COL4A2: variants seen among roughly 807,000 people sequenced by gnomAD.
COL4A2 encodes collagen alpha-2(IV) chain.
A neutral mutation model predicts 200.2 loss-of-function variants in COL4A2; 99 were observed. That is an observed-to-expected ratio of 0.49 (90% CI 0.42 to 0.58). The LOEUF (loss-of-function observed/expected upper bound fraction) is 0.58. COL4A2 is among the 20% of genes least tolerant of loss of function. The probability of loss-of-function intolerance (pLI) is 0.00; values close to 1 mark genes in which losing one functional copy is unlikely to be tolerated. For synonymous variants in COL4A2, 897 were observed against 900.6 expected, an observed-to-expected ratio of 1.00 and a Z score of 0.07; for missense variants, 1,950 against 2,314.1, an observed-to-expected ratio of 0.84 and a Z score of 3.23.
intron 3 of COL4A2, among the ~76,000 whole-genome samples, chr13:110,313,170 G>C (rs2139341788): frequency 6.6e-6 from 1 of 152,262 alleles, no homozygotes; most frequent in African/African-American, 2.4e-5. Flanking sequence ...TCTCAGTTGA[G>C]ATGAGGAAAA....
chr13:110,312,381 G>A (rs1159153976), intron 3 of COL4A2, among the ~76,000 whole-genome samples: 2 of 152,144 alleles, frequency 1.3e-5, no homozygotes, highest in Non-Finnish European at 2.9e-5. Flanking sequence ...AGAGGAAAAG[G>A]TTCTAGAATA....
intron 15 of COL4A2, 143 bp from the exon 16 acceptor site, chr13:110,439,646 A>G: frequency 4.4e-6 from 6 of 1,351,110 alleles, no homozygotes; most frequent in Non-Finnish European, 4.1e-6. Context: ...ATTTGTTGCT[A>G]TTCTTCAAAA....
At chr13:110,326,111 T>C (rs1311982563) in intron 3 of COL4A2, among the ~76,000 whole-genome samples, 1 of 152,112 alleles carries the variant, frequency 6.6e-6, no homozygotes, top group African/African-American at 2.4e-5. Flanking sequence ...AGTCATTTGC[T>C]CAGAACCCAG....
chr13:110,357,284 A>T (rs1457587759), intron 3 of COL4A2, among the ~76,000 whole-genome samples, 188 bp from the exon 4 acceptor site: 1 of 152,140 alleles, frequency 6.6e-6, no homozygotes, highest in Admixed American at 6.5e-5. Flanking sequence ...TCTGGACCTT[A>T]CACTCGATTT....
In COL4A2 at chr13:110,428,489, C is replaced by G. The variant is rs372136410; in HGVS notation, c.383C>G (p.Pro128Arg). ...CAGGGACACCCGGGGCAAGGTGGGC[C>G]CAGGGGAAGGCCGGGCTACGATGGC... ...GIPGHPGQGG[P>R]RGRPGYDGCN... Residue 128 changes from proline to arginine, a missense_variant, in exon 7 of 48, where the codon CCC (proline) becomes CGC (arginine). This residue lies in a region of COL4A2 where 565 missense variants were observed against 593.5 expected (regional missense o/e 0.95). Transcript: ENST00000360467. 1 of 1,579,798 alleles carries G rather than the reference C, an allele frequency of 6.3e-7. No individual in the cohort carries two copies. Among genetic ancestry groups the G allele is most frequent in the African/African-American group, 1.4e-5 (1 of 72,132 alleles).
At chr13:110,457,858 C>T in intron 21 of COL4A2, 1 of 446,866 alleles carries the variant, frequency 2.2e-6, no homozygotes, top group South Asian at 1.6e-5. Context: ...CATCCCTGGT[C>T]CTACTGAGAC....
At chr13:110,308,897 C>G (rs1884892537) in intron 3 of COL4A2, among the ~76,000 whole-genome samples, 1 of 152,156 alleles carries the variant, frequency 6.6e-6, no homozygotes, top group East Asian at 1.9e-4. Context: ...TAGGTGAATT[C>G]GGTGCAGGAC....
intron 24 of COL4A2, among the ~76,000 whole-genome samples, chr13:110,463,889 C>G (rs1457554539): frequency 1.3e-5 from 2 of 152,114 alleles, no homozygotes; most frequent in Non-Finnish European, 2.9e-5. Flanking sequence ...ACAGATAATT[C>G]TATGATTGGG....
intron 3 of COL4A2, among the ~76,000 whole-genome samples, chr13:110,311,953 C>T (rs1001213169): frequency 1.3e-5 from 2 of 152,222 alleles, no homozygotes; most frequent in Non-Finnish European, 2.9e-5. Flanking sequence ...CTTCCCTGCC[C>T]TCCAGGCCGG....
At chr13:110,353,901 G>A (rs1368314598) in intron 3 of COL4A2, among the ~76,000 whole-genome samples, 2 of 152,156 alleles carry the variant, frequency 1.3e-5, no homozygotes, top group Non-Finnish European at 2.9e-5. Flanking sequence ...TGGAGCCATC[G>A]GTACATGTAG....
chr13:110,350,548 C>CA (rs1256888299), intron 3 of COL4A2, among the ~76,000 whole-genome samples: 2 of 152,208 alleles, frequency 1.3e-5, no homozygotes, highest in African/African-American at 4.8e-5. Flanking sequence ...GCCAGGCACC[C>CA]ACTGAGTCAT....
At chr13:110,309,067 G>A (rs951440980) in intron 3 of COL4A2, among the ~76,000 whole-genome samples, 2 of 152,200 alleles carry the variant, frequency 1.3e-5, no homozygotes, top group Non-Finnish European at 2.9e-5. Context: ...CGCGCACTGT[G>A]CCAGAGCAGT....
chr13:110,317,413 C>T (rs7334395), intron 3 of COL4A2, among the ~76,000 whole-genome samples: 26,803 of 152,042 alleles, frequency 0.18, 3,052 homozygotes, highest in East Asian at 0.52. Flanking sequence ...CACACTTAGC[C>T]GGAGGACGCT....
At chr13:110,453,669 G>C (rs1049832592) in intron 20 of COL4A2, among the ~76,000 whole-genome samples, 1 of 152,150 alleles carries the variant, frequency 6.6e-6, no homozygotes, top group South Asian at 2.1e-4. Flanking sequence ...AGTCAACTGC[G>C]AACAATTTAA....
At position 110,503,103 on chromosome 13, in the gene COL4A2, T is replaced by C; in HGVS notation, c.3878-18T>C. On this transcript the variant is annotated intron_variant, in intron 41 of 47. Transcript: ENST00000360467. Reference sequence around the variant, plus strand: ...GGGCCCTGTTTAAACCCTCCTTTCTTGTCCCTAATGCCAACAGGTTATCGG... The same window carrying C: ...GGGCCCTGTTTAAACCCTCCTTTCTCGTCCCTAATGCCAACAGGTTATCGG... 1 of 1,611,720 alleles carries C rather than the reference T, an allele frequency of 6.2e-7. No homozygotes were observed. The highest frequency in any genetic ancestry group is 1.1e-5 in the South Asian group (1 of 90,868).
At chr13:110,345,489 CCCT>C (rs1876657122) in intron 3 of COL4A2, among the ~76,000 whole-genome samples, 1 of 152,098 alleles carries the variant, frequency 6.6e-6, no homozygotes, top group Non-Finnish European at 1.5e-5. Context: ...TGGCTTCACA[CCCT>C]CACCTTCCCT....
At chr13:110,325,058 G>A (rs1885371543) in intron 3 of COL4A2, among the ~76,000 whole-genome samples, 1 of 152,214 alleles carries the variant, frequency 6.6e-6, no homozygotes. Context: ...AAGGAGGATG[G>A]GGAGAAGAGG....
At chr13:110,437,196 G>C (rs1174981737) in intron 13 of COL4A2, among the ~76,000 whole-genome samples, 1 of 152,208 alleles carries the variant, frequency 6.6e-6, no homozygotes, top group Non-Finnish European at 1.5e-5. Flanking sequence ...ACTGCCTTGT[G>C]GGGGAAATCA....
At chr13:110,477,461 C>T (rs1555331752) in intron 29 of COL4A2, among the ~76,000 whole-genome samples, 1 of 152,148 alleles carries the variant, frequency 6.6e-6, no homozygotes, top group Admixed American at 6.5e-5. Flanking sequence ...CTTTGATACA[C>T]GATGTCAGTT....
Sources: allele counts gnomAD v4.1 joint callset (sites outside exome capture counted in the v4.1 genomes callset), GRCh38; gene constraint gnomAD v4.1.1; regional missense constraint gnomAD v4.1.1; transcripts MANE v1.5; gene names NCBI Gene and HGNC (gene_info 2026-07-23, HGNC 2026-07-21).